COP1: variants seen among roughly 807,000 people sequenced by gnomAD.
COP1 encodes E3 ubiquitin-protein ligase COP1.
COP1 carries 24 observed loss-of-function variants against 101.3 expected under a neutral mutation model. That is an observed-to-expected ratio of 0.24 (90% confidence interval 0.17 to 0.33). The LOEUF is 0.33. Among genes scored for constraint, COP1 ranks in the 10% least tolerant of loss-of-function variants. The pLI is 1.00. For missense variants in COP1, 663 were observed against 906.2 expected (o/e 0.73, Z 3.45); for synonymous variants, 347 against 341.9 (o/e 1.01, Z -0.17).
chr1:176,197,352 T>C (rs749631095), intron 1 of COP1, among the ~76,000 whole-genome samples: 12 of 152,152 alleles, frequency 7.9e-5, no homozygotes, highest in Non-Finnish European at 1.8e-4. Flanking sequence ...AGTTCGAGGA[T>C]GCAGTAAGCA....
intron 1 of COP1, among the ~76,000 whole-genome samples, chr1:176,203,685 CTG>C (rs1700529915): frequency 1.3e-5 from 2 of 152,206 alleles, no homozygotes; most frequent in Non-Finnish European, 2.9e-5. Flanking sequence ...CAATAAAACA[CTG>C]TTAAAATTAT....
At chr1:175,956,953 A>G (rs1650731223) in intron 18 of COP1, among the ~76,000 whole-genome samples, 1 of 152,182 alleles carries the variant, frequency 6.6e-6, no homozygotes, top group Admixed American at 6.5e-5. Flanking sequence ...AAAATGTTTA[A>G]AAAGTAAAAA....
At chr1:175,966,783 A>T (rs1050940688) in intron 18 of COP1, among the ~76,000 whole-genome samples, 11 of 152,220 alleles carry the variant, frequency 7.2e-5, no homozygotes, top group Non-Finnish European at 1.6e-4. Context: ...TTGGTCTTTT[A>T]TATATCTCCC....
At chr1:176,046,103 G>GT (rs1671479328) in intron 12 of COP1, 78 bp downstream of exon 12, 12 of 1,182,258 alleles carry the variant, frequency 1.0e-5, no homozygotes, top group Non-Finnish European at 1.5e-5. Flanking sequence ...TCATGCAAAG[G>GT]TAAAATAATC....
At chr1:176,112,690 G>C (rs1315561323) in intron 9 of COP1, among the ~76,000 whole-genome samples, 1 of 152,044 alleles carries the variant, frequency 6.6e-6, no homozygotes, top group Non-Finnish European at 1.5e-5. Flanking sequence ...TACCCATTAA[G>C]CAAGTTCTCT....
chr1:176,027,124 A>G (rs6687043), intron 15 of COP1, among the ~76,000 whole-genome samples: 103,541 of 152,060 alleles, frequency 0.68, 36,775 homozygotes, highest in East Asian at 0.92. Context: ...TCCATGATAC[A>G]AGACTATGTC....
At chr1:175,965,988 T>A (rs1036397883) in intron 18 of COP1, among the ~76,000 whole-genome samples, 4 of 152,072 alleles carry the variant, frequency 2.6e-5, no homozygotes, top group African/African-American at 9.7e-5. Context: ...CAAGTGAGAG[T>A]CCATACAAAG....
At chr1:176,071,825 T>C (rs1677058556) in intron 11 of COP1, among the ~76,000 whole-genome samples, 2 of 152,238 alleles carry the variant, frequency 1.3e-5, no homozygotes, top group Admixed American at 6.5e-5. Context: ...AAATTTTAAA[T>C]GCTAACCTAA....
chr1:176,111,651 C>T (rs1484640281), intron 9 of COP1, among the ~76,000 whole-genome samples: 1 of 152,088 alleles, frequency 6.6e-6, no homozygotes, highest in East Asian at 1.9e-4. Context: ...CTTAATGATA[C>T]TAAGTTTTAC....
intron 15 of COP1, among the ~76,000 whole-genome samples, chr1:176,007,327 G>T (rs776128453): frequency 6.6e-6 from 1 of 152,160 alleles, no homozygotes; most frequent in African/African-American, 2.4e-5. Context: ...ATCGTCTGAA[G>T]CCTTCTTCTC....
At chr1:175,976,466 CG>C (rs1654626524) in intron 18 of COP1, among the ~76,000 whole-genome samples, 1 of 151,322 alleles carries the variant, frequency 6.6e-6, no homozygotes, top group African/African-American at 2.4e-5. Context: ...TTAGTGTAGA[CG>C]GGGTTTCAAC....
chr1:176,057,195 T>C (rs1673677889), intron 11 of COP1, among the ~76,000 whole-genome samples: 1 of 152,228 alleles, frequency 6.6e-6, no homozygotes, highest in Non-Finnish European at 1.5e-5. Context: ...AATGCAGGTA[T>C]ACCTGCTATG....
intron 14 of COP1, among the ~76,000 whole-genome samples, chr1:176,041,370 CAG>C (rs1263976560): frequency 2.7e-4 from 8 of 29,398 alleles, no homozygotes; most frequent in Admixed American, 1.7e-3. Flanking sequence ...TTTTTTGAGA[CAG>C]AGTCTCGCTC....
intron 1 of COP1, among the ~76,000 whole-genome samples, chr1:176,189,153 G>C (rs1187969612): frequency 1.3e-5 from 2 of 152,064 alleles, no homozygotes; most frequent in African/African-American, 4.8e-5. Context: ...CACATTACAT[G>C]CAGAGGAATA....
At chr1:176,116,249 T>C (rs1416282112) in intron 9 of COP1, among the ~76,000 whole-genome samples, 1 of 152,014 alleles carries the variant, frequency 6.6e-6, no homozygotes, top group Non-Finnish European at 1.5e-5. Flanking sequence ...GGCATGGTGG[T>C]GCACTTCCAT....
At chr1:176,016,951 T>C (rs1286715106) in intron 15 of COP1, among the ~76,000 whole-genome samples, 1 of 152,204 alleles carries the variant, frequency 6.6e-6, no homozygotes, top group African/African-American at 2.4e-5. Flanking sequence ...ATCAAAAGTA[T>C]GCACTAACTC....
chr1:176,012,815 A>G (rs1366683160), intron 15 of COP1, among the ~76,000 whole-genome samples: 1 of 152,186 alleles, frequency 6.6e-6, no homozygotes, highest in Non-Finnish European at 1.5e-5. Context: ...ATTAGGCTAT[A>G]CTATATAGCT....
intron 9 of COP1, among the ~76,000 whole-genome samples, chr1:176,102,222 A>T (rs1043491976): frequency 6.6e-6 from 1 of 152,156 alleles, no homozygotes; most frequent in African/African-American, 2.4e-5. Context: ...GAAACCTGCT[A>T]GCAGGATTCT....
intron 9 of COP1, among the ~76,000 whole-genome samples, chr1:176,105,665 A>C (rs1684182736): frequency 6.6e-6 from 1 of 152,180 alleles, no homozygotes; most frequent in Admixed American, 6.5e-5. Flanking sequence ...CTGACCACTG[A>C]CCCTTGCCTA....
Sources: gnomAD v4.1 joint callset for allele counts (sites outside exome capture counted in the v4.1 genomes callset) on GRCh38, gnomAD v4.1.1 for gene constraint, MANE v1.5 for transcripts, NCBI Gene and HGNC (gene_info 2026-07-23, HGNC 2026-07-21) for gene names.